The following SUMF1 variants were observed in gnomAD, a reference collection of about 807,000 sequenced individuals.
SUMF1 encodes the protein sulfatase modifying factor 1, also known as formylglycine-generating enzyme.
In SUMF1, 48 loss-of-function variants were observed where a neutral mutation model predicts 47.6. That is an observed-to-expected ratio of 1.01 (90% CI 0.80 to 1.28). The LOEUF (loss-of-function observed/expected upper bound fraction) is 1.28, where lower values mean the gene tolerates loss of function less well. Ranked by LOEUF, SUMF1 falls within the 50% of genes most tolerant of loss-of-function variation. The probability of loss-of-function intolerance (pLI) is 0.00; values close to 1 mark genes in which losing one functional copy is unlikely to be tolerated. For missense variants in SUMF1, 571 were observed against 485.4 expected (o/e 1.18, Z -1.66); for synonymous variants, 230 against 192.1 (o/e 1.20, Z -1.63).
At chr3:4,440,835 G>C (rs1021169133) in intron 3 of SUMF1, among the ~76,000 whole-genome samples, 8 of 152,132 alleles carry the variant, frequency 5.3e-5, no homozygotes, top group African/African-American at 1.9e-4. Flanking sequence ...GAGAATCCTT[G>C]TTCCTCAAGC....
intron 8 of SUMF1, among the ~76,000 whole-genome samples, chr3:4,076,781 G>C (rs1243822): frequency 0.34 from 52,306 of 151,762 alleles, 9,359 homozygotes; most frequent in Admixed American, 0.46. Context: ...GGGCGGATCA[G>C]GAGGTCAGGA....
intron 7 of SUMF1, among the ~76,000 whole-genome samples, chr3:4,400,480 C>T (rs543984450): frequency 1.3e-5 from 2 of 152,290 alleles, no homozygotes; most frequent in African/African-American, 2.4e-5. Flanking sequence ...CACTATCACA[C>T]AGCAGGTGCT....
At chr3:4,313,688 G>C in intron 8 of SUMF1, 1 of 1,613,984 alleles carries the variant, frequency 6.2e-7, no homozygotes, top group East Asian at 2.2e-5. Flanking sequence ...ATCAGTTGTG[G>C]AAATGAGAAG....
intron 3 of SUMF1, among the ~76,000 whole-genome samples, chr3:4,425,490 T>C (rs1702039918): frequency 6.6e-6 from 1 of 152,176 alleles, no homozygotes; most frequent in South Asian, 2.1e-4. Context: ...CCCCCATATC[T>C]GTTCAGCTTG....
chr3:4,142,962 A>T (rs1694105234), intron 8 of SUMF1, among the ~76,000 whole-genome samples: 2 of 152,196 alleles, frequency 1.3e-5, no homozygotes, highest in African/African-American at 4.8e-5. Context: ...CAGAGACTCA[A>T]TCAATAGAAA....
intron 8 of SUMF1, among the ~76,000 whole-genome samples, chr3:4,225,862 G>A (rs991975430): frequency 6.6e-6 from 1 of 152,102 alleles, no homozygotes; most frequent in African/African-American, 2.4e-5. Context: ...ACCCCAGTCA[G>A]ACATGACTAG....
chr3:4,128,570 A>T (rs1693713147), intron 8 of SUMF1, among the ~76,000 whole-genome samples: 1 of 152,160 alleles, frequency 6.6e-6, no homozygotes, highest in African/African-American at 2.4e-5. Context: ...CTCAGGAGCC[A>T]TCCACAACAG....
intron 8 of SUMF1, among the ~76,000 whole-genome samples, chr3:4,114,032 C>T (rs1345985910): frequency 2.0e-5 from 3 of 152,080 alleles, no homozygotes; most frequent in East Asian, 1.9e-4. Flanking sequence ...TGAGATCCCA[C>T]TTCATCTGTA....
intron 8 of SUMF1, among the ~76,000 whole-genome samples, chr3:4,075,458 C>T (rs888386357): frequency 6.6e-6 from 1 of 152,102 alleles, no homozygotes; most frequent in Non-Finnish European, 1.5e-5. Context: ...CTCACCACTC[C>T]TATTCAACAT....
intron 9 of SUMF1, among the ~76,000 whole-genome samples, chr3:4,049,557 C>G (rs1695066376): frequency 1.3e-5 from 2 of 152,074 alleles, no homozygotes; most frequent in Admixed American, 1.3e-4. Flanking sequence ...CCTCAAACCC[C>G]TTATGTGAGG....
chr3:4,124,910 A>G (rs1024760578), intron 8 of SUMF1, among the ~76,000 whole-genome samples: 26 of 152,210 alleles, frequency 1.7e-4, no homozygotes, highest in African/African-American at 6.3e-4. Flanking sequence ...AATGTGGTAC[A>G]TATAAAAAAT....
chr3:4,091,760 T>G (rs898498881), intron 8 of SUMF1, among the ~76,000 whole-genome samples: 1 of 152,086 alleles, frequency 6.6e-6, no homozygotes, highest in Non-Finnish European at 1.5e-5. Flanking sequence ...ATAATGGTTA[T>G]GTAAGAGGCC....
chr3:4,260,316 A>G (rs907192504), intron 8 of SUMF1, among the ~76,000 whole-genome samples: 3 of 152,182 alleles, frequency 2.0e-5, no homozygotes, highest in Non-Finnish European at 4.4e-5. Context: ...GCTAATTGAT[A>G]CCAGGCAATA....
chr3:4,055,827 G>A (rs532496818), intron 9 of SUMF1, among the ~76,000 whole-genome samples: 2 of 152,214 alleles, frequency 1.3e-5, no homozygotes, highest in South Asian at 4.2e-4. Flanking sequence ...GGAGTTCACT[G>A]GGCTATAATC....
intron 8 of SUMF1, among the ~76,000 whole-genome samples, chr3:4,211,203 C>CATATATATATATAT (rs57172340): frequency 5.1e-5 from 5 of 98,148 alleles, no homozygotes; most frequent in Admixed American, 3.4e-4. Flanking sequence ...TACATACATA[C>CATATATATATATAT]ATATATATAT....
chr3:4,265,439 A>G (rs188677013), intron 8 of SUMF1, among the ~76,000 whole-genome samples: 258 of 152,314 alleles, frequency 1.7e-3, no homozygotes, highest in African/African-American at 5.9e-3. Context: ...TTTCATATAT[A>G]AATAACACTT....
At chr3:4,092,587 C>T (rs1692811918) in intron 8 of SUMF1, among the ~76,000 whole-genome samples, 1 of 152,108 alleles carries the variant, frequency 6.6e-6, no homozygotes, top group Non-Finnish European at 1.5e-5. Flanking sequence ...ATGTCATATT[C>T]CTAGCCTGCC....
intron 8 of SUMF1, among the ~76,000 whole-genome samples, chr3:4,077,507 G>A (rs1032700250): frequency 6.6e-6 from 1 of 152,100 alleles, no homozygotes; most frequent in Non-Finnish European, 1.5e-5. Flanking sequence ...TCCTTTGCAG[G>A]GACATGGATG....
intron 8 of SUMF1, among the ~76,000 whole-genome samples, chr3:4,320,115 C>G (rs1016037760): frequency 6.6e-6 from 1 of 152,140 alleles, no homozygotes; most frequent in African/African-American, 2.4e-5. Context: ...TAGAACTTTA[C>G]TGCACAAAGG....
Sources: gnomAD v4.1 joint callset for allele counts (sites outside exome capture counted in the v4.1 genomes callset) on GRCh38, gnomAD v4.1.1 for gene constraint, MANE v1.5 for transcripts, NCBI Gene and HGNC (gene_info 2026-07-23, HGNC 2026-07-21) for gene names.